ADGRL3: variants seen among roughly 807,000 people sequenced by gnomAD.
ADGRL3 encodes adhesion G protein-coupled receptor L3.
ADGRL3 carries 62 observed loss-of-function variants against 153.5 expected under a neutral mutation model. The ratio of observed to expected loss-of-function variants is 0.40; its 90% CI spans 0.33 to 0.50. ADGRL3 has a LOEUF of 0.50. Among genes scored for constraint, ADGRL3 ranks in the 20% least tolerant of loss-of-function variants. ADGRL3 has a pLI of 0.47. For missense variants in ADGRL3, 1,641 were observed against 1,859.4 expected, an observed-to-expected ratio of 0.88 and a Z score of 2.16; for synonymous variants, 710 against 672.5, an observed-to-expected ratio of 1.06 and a Z score of -0.86.
intron 4 of ADGRL3, among the ~76,000 whole-genome samples, chr4:61,572,582 T>A (rs1414151567): frequency 4.6e-5 from 7 of 152,146 alleles, no homozygotes; most frequent in African/African-American, 7.2e-5. Context: ...AAAGCTTTTT[T>A]AAATATATAT....
intron 4 of ADGRL3, among the ~76,000 whole-genome samples, chr4:61,580,663 G>C (rs1212424906): frequency 6.6e-6 from 1 of 152,040 alleles, no homozygotes; most frequent in African/African-American, 2.4e-5. Context: ...TTGCCTGAAG[G>C]AAGGCTTTCT....
intron 1 of ADGRL3, among the ~76,000 whole-genome samples, chr4:61,211,270 G>A (rs1191230622): frequency 1.3e-5 from 2 of 152,036 alleles, no homozygotes; most frequent in Admixed American, 6.6e-5. Context: ...TAGGTATCAG[G>A]AAAAATTGGA....
intron 2 of ADGRL3, among the ~76,000 whole-genome samples, chr4:61,390,803 TA>T (rs1472206220): frequency 6.6e-6 from 1 of 152,274 alleles, no homozygotes; most frequent in South Asian, 2.1e-4. Context: ...AAAAATTCCC[TA>T]GTGCTGCTTC....
At chr4:61,457,629 T>C (rs2097768306) in intron 2 of ADGRL3, among the ~76,000 whole-genome samples, 1 of 151,978 alleles carries the variant, frequency 6.6e-6, no homozygotes. Context: ...TTGTTCTTTC[T>C]GTCTGATCAA....
intron 1 of ADGRL3, among the ~76,000 whole-genome samples, chr4:61,291,218 G>GCACACA (rs765771949): frequency 0.69 from 92,595 of 133,524 alleles, 33,313 homozygotes; most frequent in Non-Finnish European, 0.8. Flanking sequence ...ACACACACAC[G>GCACACA]CACACACACA....
chr4:62,068,167 G>T lies in ADGRL3; in HGVS notation c.3816G>T (p.Glu1272Asp). 6.4e-7 allele frequency: 1 copy of T among 1,567,472 alleles called. No individual in the cohort carries two copies. The highest frequency in any genetic ancestry group is 8.6e-7 in the Non-Finnish European group (1 of 1,163,370). Residue 1272 changes from glutamate to aspartate, a missense_variant and splice_region_variant, in exon 26 of 27, where the codon GAG (glutamate) becomes GAT (aspartate). By Grantham distance (45) the Glu-to-Asp change is conservative. Coordinates refer to ENST00000683033, the MANE Select transcript of ADGRL3 (RefSeq NM_001387552.1). ...CCTTTTCTTCATGCTGTCGTTTAGA[G>T]CCCTACAGAGAGACAAGTATGGGAG... ...DINSSASLNREPYRETKGLLN... is the reference protein window; with the variant it reads ...DINSSASLNRDPYRETKGLLN...
Position 61,742,154 on chromosome 4 carries a change from A to T in ADGRL3, c.1399+8600A>T, listed in dbSNP as rs557441175. ...CCGTAAGAATCCAATGCTTCTACCC[A>T]TCTTAGCACAGATAAGTGAGAGTTG... On this transcript the variant is annotated intron_variant, in intron 8 of 26. Coordinates refer to ENST00000683033, the MANE Select transcript of ADGRL3 (RefSeq NM_001387552.1). Among the ~76,000 whole-genome samples the T allele has an allele frequency of 1.1e-4, 16 of 152,310 alleles. No individual in the cohort carries two copies. The South Asian group carries it at 3.3e-3, about 32-fold the overall frequency.
intron 2 of ADGRL3, among the ~76,000 whole-genome samples, chr4:61,433,314 C>G (rs2097398401): frequency 6.7e-6 from 1 of 150,094 alleles, no homozygotes; most frequent in Admixed American, 6.6e-5. Flanking sequence ...CAAGGAATAG[C>G]TTTTGATCTT....
At chr4:61,680,301 T>C (rs976029197) in intron 6 of ADGRL3, among the ~76,000 whole-genome samples, 17 of 126,950 alleles carry the variant, frequency 1.3e-4, no homozygotes, top group African/African-American at 5.0e-4. Flanking sequence ...TTCGAATTTA[T>C]GACCACAAAC....
intron 14 of ADGRL3, 23 bp from the exon 15 acceptor site, chr4:61,935,900 T>C: frequency 6.3e-7 from 1 of 1,577,674 alleles, no homozygotes; most frequent in Non-Finnish European, 8.6e-7. Flanking sequence ...CAATGAGCAC[T>C]GATATCTCTT....
chr4:61,746,885 CA>C (rs944967931), intron 8 of ADGRL3, among the ~76,000 whole-genome samples: 267 of 151,808 alleles, frequency 1.8e-3, no homozygotes, highest in Admixed American at 3.6e-3. Flanking sequence ...AATAGAGACA[CA>C]AAAAACCCTT....
chr4:62,059,090 G>T (rs576879475), intron 25 of ADGRL3, among the ~76,000 whole-genome samples: 1 of 152,264 alleles, frequency 6.6e-6, no homozygotes, highest in Admixed American at 6.5e-5. Context: ...AATGTGGACT[G>T]TAGGAACTAT....
At chr4:61,856,947 CTTCTCT>C (rs1344062404) in intron 9 of ADGRL3, among the ~76,000 whole-genome samples, 181 of 77,984 alleles carry the variant, frequency 2.3e-3, no homozygotes, top group African/African-American at 8.0e-3. Flanking sequence ...CCTCTTTCTT[CTTCTCT>C]TTCTTTCTTT....
In ADGRL3 at chr4:61,672,387, A is replaced by G. The variant is rs551050835; in HGVS notation, c.474-4439A>G. On this transcript the variant is annotated intron_variant, in intron 5 of 26. Transcript: ENST00000683033. ...AAACATGTGGATTAATTTCCGGGCT[A>G]TCTATTCTGTACCATTGGTCTACAC... Among the ~76,000 whole-genome samples, 7 of 152,220 alleles carry G rather than the reference A, an allele frequency of 4.6e-5. No homozygotes were observed. The East Asian group carries it at 1.4e-3, about 29-fold the overall frequency.
chr4:61,764,451 T>C (rs1402634293), intron 8 of ADGRL3, among the ~76,000 whole-genome samples: 2 of 108,494 alleles, frequency 1.8e-5, no homozygotes, highest in African/African-American at 5.3e-5. Context: ...GGAGTGGGGG[T>C]CGCAAGGTGC....
intron 4 of ADGRL3, among the ~76,000 whole-genome samples, chr4:61,518,065 G>T (rs2098508446): frequency 6.6e-6 from 1 of 152,216 alleles, no homozygotes; most frequent in African/African-American, 2.4e-5. Context: ...TGCCTCTGCA[G>T]CTGGAAAGTA....
intron 6 of ADGRL3, among the ~76,000 whole-genome samples, chr4:61,695,726 T>C (rs73825925): frequency 0.025 from 3,881 of 152,260 alleles, 100 homozygotes; most frequent in East Asian, 0.071. Flanking sequence ...CTTCTTCCAA[T>C]AGAAGGCTGT....
intron 19 of ADGRL3, among the ~76,000 whole-genome samples, chr4:61,994,402 G>A (rs2099114685): frequency 6.6e-6 from 1 of 151,764 alleles, no homozygotes; most frequent in Non-Finnish European, 1.5e-5. Flanking sequence ...TCCTCCTGCC[G>A]TGGCCTCTCA....
At chr4:61,496,983 G>C (rs1233085795) in intron 2 of ADGRL3, 138 bp from the exon 3 acceptor site, 2 of 279,472 alleles carry the variant, frequency 7.2e-6, no homozygotes, top group Non-Finnish European at 1.3e-5. Context: ...AATTTGCTCA[G>C]TAGAGACTGA....
Sources: gnomAD v4.1 joint callset for allele counts (sites outside exome capture counted in the v4.1 genomes callset) on GRCh38, gnomAD v4.1.1 for gene constraint, MANE v1.5 for transcripts, NCBI Gene and HGNC (gene_info 2026-07-23, HGNC 2026-07-21) for gene names.